Variants in YTHDF2 observed in about 807,000 individuals in gnomAD.
The protein encoded by YTHDF2 is YTH N6-methyladenosine RNA binding protein F2.
A neutral mutation model predicts 50.4 loss-of-function variants in YTHDF2; 2 were observed. The ratio of observed to expected loss-of-function variants is 0.04; its 90% CI spans 0.02 to 0.12. The LOEUF is 0.12. YTHDF2 is among the 10% of genes least tolerant of loss of function. The pLI is 1.00. For missense variants in YTHDF2, 483 were observed against 722.6 expected, an observed-to-expected ratio of 0.67 and a Z score of 3.80; for synonymous variants, 217 against 255.6, an observed-to-expected ratio of 0.85 and a Z score of 1.44.
At chr1:28,752,485 G>A (rs1557545937) in intron 4 of YTHDF2, among the ~76,000 whole-genome samples, 2 of 152,040 alleles carry the variant, frequency 1.3e-5, no homozygotes, top group South Asian at 4.2e-4. Flanking sequence ...TAGTAGAAGC[G>A]AGGTTTCACC....
At chr1:28,754,549 C>T (rs1019714118) in intron 4 of YTHDF2, among the ~76,000 whole-genome samples, 6 of 146,510 alleles carry the variant, frequency 4.1e-5, no homozygotes, top group South Asian at 4.4e-4. Flanking sequence ...ATTGGCCGGG[C>T]GCGGTGGCTC....
At chr1:28,737,281 C>G (rs962641840) in intron 1 of YTHDF2, 134 bp downstream of exon 1, 88 of 1,218,978 alleles carry the variant, frequency 7.2e-5, no homozygotes, top group Non-Finnish European at 9.1e-5. Context: ...TCGGGCCTCT[C>G]AGGCCGGCCG....
At chr1:28,742,357 AT>A (rs759294135) in intron 3 of YTHDF2, 45 bp from the exon 4 acceptor site, 18 of 1,521,636 alleles carry the variant, frequency 1.2e-5, no homozygotes, top group Middle Eastern at 2.1e-4. Flanking sequence ...AAATAGCCTG[AT>A]GTTAATTTTT....
At chr1:28,747,135 AG>A (rs1186715251) in intron 4 of YTHDF2, among the ~76,000 whole-genome samples, 1 of 152,214 alleles carries the variant, frequency 6.6e-6, no homozygotes, top group Non-Finnish European at 1.5e-5. Context: ...TGTTTGCTAG[AG>A]TGGTTCAGTT....
At chr1:28,755,143 A>T (rs1200794025) in intron 4 of YTHDF2, among the ~76,000 whole-genome samples, 1 of 152,126 alleles carries the variant, frequency 6.6e-6, no homozygotes, top group Non-Finnish European at 1.5e-5. Context: ...ATTAAAGATG[A>T]TGAGAGGAGC....
chr1:28,737,176 A>G (rs1162861158), intron 1 of YTHDF2, 29 bp downstream of exon 1: 1 of 1,563,108 alleles, frequency 6.4e-7, no homozygotes. Flanking sequence ...TGCCTCGGCC[A>G]TTGTGTGAGG....
At chr1:28,756,489 T>C (rs2088037779) in intron 4 of YTHDF2, among the ~76,000 whole-genome samples, 1 of 152,198 alleles carries the variant, frequency 6.6e-6, no homozygotes, top group Admixed American at 6.6e-5. Context: ...ACAAAACTTT[T>C]CTTGGAACCT....
At chr1:28,768,229 G>A (rs2088250620) in intron 4 of YTHDF2, among the ~76,000 whole-genome samples, 1 of 152,076 alleles carries the variant, frequency 6.6e-6, no homozygotes. Flanking sequence ...TTAAAATTCT[G>A]TGCATGAAGT....
At chr1:28,740,279 C>T (rs2087756145) in intron 3 of YTHDF2, 1 of 152,202 alleles carries the variant, frequency 6.6e-6, no homozygotes, top group Non-Finnish European at 1.5e-5. Context: ...TCTTGTAAAA[C>T]ATTGTGTAAT....
intron 4 of YTHDF2, among the ~76,000 whole-genome samples, chr1:28,752,337 G>T (rs893205629): frequency 2.6e-5 from 4 of 152,092 alleles, no homozygotes; most frequent in African/African-American, 9.7e-5. Flanking sequence ...CTCACTTGTT[G>T]CCCAGGCTGG....
chr1:28,737,712 C>T (rs775029183), intron 2 of YTHDF2, 30 bp downstream of exon 2: 2 of 1,612,126 alleles, frequency 1.2e-6, no homozygotes, highest in Non-Finnish European at 8.5e-7. Flanking sequence ...TGGCCCTGAG[C>T]CGGGAGGGGG....
intron 4 of YTHDF2, among the ~76,000 whole-genome samples, chr1:28,751,090 C>CAAAACAAAAAAAAA (rs2087945194): frequency 3.0e-5 from 1 of 33,766 alleles, no homozygotes; most frequent in Non-Finnish European, 5.1e-5. Flanking sequence ...GAGACTGTCT[C>CAAAACAAAAAAAAA]AAAAAAAAAA....
chr1:28,757,252 G>A (rs575968500), intron 4 of YTHDF2, among the ~76,000 whole-genome samples: 5 of 152,308 alleles, frequency 3.3e-5, no homozygotes, highest in East Asian at 1.9e-4. Flanking sequence ...GTGAGACCAA[G>A]TATAGAAAAA....
chr1:28,745,030 A>T (rs1003466471), intron 4 of YTHDF2, among the ~76,000 whole-genome samples: 1 of 152,152 alleles, frequency 6.6e-6, no homozygotes, highest in Non-Finnish European at 1.5e-5. Context: ...TTCTTTGAAG[A>T]TCTGTGTATT....
intron 4 of YTHDF2, among the ~76,000 whole-genome samples, chr1:28,763,335 G>A (rs1435955660): frequency 4.0e-5 from 6 of 151,854 alleles, no homozygotes; most frequent in African/African-American, 4.8e-5. Context: ...GTGAAGTGGC[G>A]TGACCTTGGC....
chr1:28,760,262 CAT>C (rs1420571578), intron 4 of YTHDF2, among the ~76,000 whole-genome samples: 4 of 148,728 alleles, frequency 2.7e-5, no homozygotes, highest in South Asian at 4.2e-4. Context: ...AAGCCAATAA[CAT>C]AGTAGGTTGT....
intron 3 of YTHDF2, among the ~76,000 whole-genome samples, chr1:28,742,182 A>ACAGGG (rs2087786551): frequency 6.6e-6 from 1 of 151,644 alleles, no homozygotes. Context: ...TCCCAAGTAG[A>ACAGGG]CAGGGTTTCA....
intron 3 of YTHDF2, among the ~76,000 whole-genome samples, chr1:28,741,574 G>T (rs1339729943): frequency 6.6e-6 from 1 of 152,332 alleles, no homozygotes; most frequent in East Asian, 1.9e-4. Flanking sequence ...GATTACAGGC[G>T]GGAGCCACTG....
upstream of YTHDF2, chr1:28,736,834 T>TCGCGCCGCG (rs147949909): frequency 1.3e-5 from 5 of 384,032 alleles, no homozygotes; most frequent in African/African-American, 6.4e-5. Flanking sequence ...GAGTCAGCGC[T>TCGCGCCGCG]CGCGCCGCGC....
Sources: allele counts gnomAD v4.1 joint callset (sites outside exome capture counted in the v4.1 genomes callset), GRCh38; gene constraint gnomAD v4.1.1; transcripts MANE v1.5; gene names NCBI Gene and HGNC (gene_info 2026-07-23, HGNC 2026-07-21).